HS6ST3: variants seen among roughly 807,000 people sequenced by gnomAD.
HS6ST3 encodes the protein heparan sulfate 6-O-sulfotransferase 3.
A neutral mutation model predicts 36.7 loss-of-function variants in HS6ST3; 12 were observed. The observed-to-expected ratio is 0.33, with a 90% CI of 0.21 to 0.53. HS6ST3 has a LOEUF of 0.53. Ranked by LOEUF, HS6ST3 falls within the 20% of genes least tolerant of loss-of-function variation. The pLI is 0.95. For synonymous variants in HS6ST3, 240 were observed against 257.5 expected, an observed-to-expected ratio of 0.93 and a Z score of 0.65; for missense variants, 584 against 640.9, an observed-to-expected ratio of 0.91 and a Z score of 0.96.
rs183761289 is a variant in HS6ST3, at chr13:96,110,522, C to T, written c.707+18953C>T. On this transcript the variant is annotated intron_variant, in intron 1 of 1. Transcript: ENST00000376705. ...CACCATCTTGGCTCACTGCAAGCTC[C>T]GCCTCCCAGGTTCACACCATTCTCC... is the stretch of plus-strand genomic sequence containing the variant. 8.8e-3 allele frequency among the ~76,000 whole-genome samples: 1,333 copies of T among 151,690 alleles called. 10 individuals carry two copies. Among genetic ancestry groups the T allele is most frequent in the South Asian group, 0.033 (157 of 4,776 alleles).
chr13:96,168,532 C>G (rs1051577222), intron 1 of HS6ST3, among the ~76,000 whole-genome samples: 1 of 151,692 alleles, frequency 6.6e-6, no homozygotes, highest in Non-Finnish European at 1.5e-5. Context: ...ATAGGGAGAC[C>G]TCGTCTCTAC....
At chr13:96,376,254 C>T (rs1203480834) in intron 1 of HS6ST3, among the ~76,000 whole-genome samples, 8 of 152,170 alleles carry the variant, frequency 5.3e-5, no homozygotes, top group Non-Finnish European at 1.2e-4. Context: ...AAATATGCTG[C>T]CACTAGCATT....
intron 1 of HS6ST3, among the ~76,000 whole-genome samples, chr13:96,593,376 A>G (rs1451373631): frequency 1.3e-5 from 2 of 149,912 alleles, no homozygotes; most frequent in African/African-American, 4.9e-5. Context: ...TCGTATTTTT[A>G]GTAGAGATGG....
At chr13:96,574,587 G>C in intron 1 of HS6ST3, 1 of 255,678 alleles carries the variant, frequency 3.9e-6, no homozygotes, top group South Asian at 7.5e-5. Context: ...TCCTCTTCCT[G>C]GTCCAGTTAC....
chr13:96,328,689 G>A (rs1424207207), intron 1 of HS6ST3, among the ~76,000 whole-genome samples: 1 of 152,034 alleles, frequency 6.6e-6, no homozygotes, highest in East Asian at 1.9e-4. Flanking sequence ...GATGATGCTG[G>A]CCTCATAAAA....
chr13:96,114,759 A>G (rs942478951), intron 1 of HS6ST3, among the ~76,000 whole-genome samples: 1 of 152,210 alleles, frequency 6.6e-6, no homozygotes, highest in Non-Finnish European at 1.5e-5. Flanking sequence ...AAACCCCCAA[A>G]TAAATAAAAC....
intron 1 of HS6ST3, among the ~76,000 whole-genome samples, chr13:96,795,827 C>G (rs1877896662): frequency 6.6e-6 from 1 of 152,094 alleles, no homozygotes; most frequent in South Asian, 2.1e-4. Context: ...TTCTCCTTTG[C>G]AATTTCTGCC....
At chr13:96,258,352 G>T (rs925133583) in intron 1 of HS6ST3, among the ~76,000 whole-genome samples, 1 of 151,444 alleles carries the variant, frequency 6.6e-6, no homozygotes, top group African/African-American at 2.4e-5. Context: ...CATGTCAGAT[G>T]TTCAAAACAA....
At chr13:96,112,031 T>C (rs913605860) in intron 1 of HS6ST3, among the ~76,000 whole-genome samples, 2 of 152,180 alleles carry the variant, frequency 1.3e-5, no homozygotes, top group African/African-American at 4.8e-5. Flanking sequence ...GAGGTAGAGT[T>C]AGTCCCAGAT....
At chr13:96,482,714 G>A (rs1449528410) in intron 1 of HS6ST3, among the ~76,000 whole-genome samples, 1 of 152,064 alleles carries the variant, frequency 6.6e-6, no homozygotes, top group African/African-American at 2.4e-5. Context: ...ATAAAGAAGT[G>A]GATAAGATAG....
At chr13:96,195,447 G>T (rs2054307577) in intron 1 of HS6ST3, among the ~76,000 whole-genome samples, 1 of 152,136 alleles carries the variant, frequency 6.6e-6, no homozygotes, top group Non-Finnish European at 1.5e-5. Flanking sequence ...TGCGGTCCCA[G>T]TGGCATGCTT....
chr13:96,297,602 C>A (rs970370591), intron 1 of HS6ST3, among the ~76,000 whole-genome samples: 1 of 152,142 alleles, frequency 6.6e-6, no homozygotes, highest in African/African-American at 2.4e-5. Context: ...GAATCATTCT[C>A]TGTGCCCTTG....
intron 1 of HS6ST3, among the ~76,000 whole-genome samples, chr13:96,296,738 G>C (rs1319206823): frequency 6.6e-6 from 1 of 152,028 alleles, no homozygotes; most frequent in Non-Finnish European, 1.5e-5. Flanking sequence ...AATTTCCCAA[G>C]TTATATCTCT....
At chr13:96,515,932 C>T (rs748264512) in intron 1 of HS6ST3, among the ~76,000 whole-genome samples, 4 of 152,088 alleles carry the variant, frequency 2.6e-5, no homozygotes, top group Non-Finnish European at 2.9e-5. Flanking sequence ...TAGACAGGGG[C>T]TCTTTATGCC....
chr13:96,325,611 C>G (rs777356164), intron 1 of HS6ST3, among the ~76,000 whole-genome samples: 4 of 151,938 alleles, frequency 2.6e-5, no homozygotes, highest in Non-Finnish European at 5.9e-5. Flanking sequence ...ATGCCATTTT[C>G]TGTCAAAGAC....
intron 1 of HS6ST3, among the ~76,000 whole-genome samples, chr13:96,804,816 G>A (rs533229006): frequency 8.5e-5 from 13 of 152,228 alleles, no homozygotes; most frequent in Admixed American, 7.8e-4. Context: ...TACAAAAAAG[G>A]CTGAGAGCTA....
intron 1 of HS6ST3, among the ~76,000 whole-genome samples, chr13:96,512,876 C>G (rs971351785): frequency 2.0e-5 from 3 of 151,570 alleles, no homozygotes; most frequent in Non-Finnish European, 4.4e-5. Flanking sequence ...TTTAACCTCT[C>G]ATTTTTTTGT....
chr13:96,678,629 G>A (rs1000489599), intron 1 of HS6ST3, among the ~76,000 whole-genome samples: 1 of 151,810 alleles, frequency 6.6e-6, no homozygotes, highest in East Asian at 1.9e-4. Context: ...AGCCAAGATC[G>A]CACCACTGCA....
intron 1 of HS6ST3, among the ~76,000 whole-genome samples, chr13:96,303,108 A>G (rs953115542): frequency 5.3e-5 from 8 of 152,198 alleles, no homozygotes; most frequent in African/African-American, 1.9e-4. Context: ...CCCTTATTCT[A>G]GAGTATTGAA....
Sources: allele counts gnomAD v4.1 joint callset (sites outside exome capture counted in the v4.1 genomes callset), GRCh38; gene constraint gnomAD v4.1.1; transcripts MANE v1.5; gene names NCBI Gene and HGNC (gene_info 2026-07-23, HGNC 2026-07-21).